The following ADAMTS2 variants were observed in gnomAD, a reference collection of about 807,000 sequenced individuals.
ADAMTS2 encodes the protein A disintegrin and metalloproteinase with thrombospondin motifs 2.
ADAMTS2 carries 50 observed loss-of-function variants against 123.0 expected under a neutral mutation model. The ratio of observed to expected loss-of-function variants is 0.41; its 90% CI spans 0.32 to 0.51. The LOEUF (loss-of-function observed/expected upper bound fraction) is 0.51, where lower values mean the gene tolerates loss of function less well. Ranked by LOEUF, ADAMTS2 falls within the 20% of genes least tolerant of loss-of-function variation. ADAMTS2 has a pLI of 0.35. For missense variants in ADAMTS2, 1,494 were observed against 1,705.2 expected (o/e 0.88, Z 2.18); for synonymous variants, 678 against 695.4 (o/e 0.98, Z 0.39).
intron 8 of ADAMTS2, among the ~76,000 whole-genome samples, 154 bp from the exon 9 acceptor site, chr5:179,153,777 CTT>C (rs1721614774): frequency 1.3e-5 from 2 of 152,206 alleles, no homozygotes; most frequent in Admixed American, 1.3e-4. Context: ...TGCTGCATCT[CTT>C]GTCCTTGGTG....
At position 179,125,072 on chromosome 5, in the gene ADAMTS2, G is replaced by A. The variant is rs1273919427; in HGVS notation, c.2859C>T (p.Ser953=). 6.8e-6 allele frequency: 11 copies of A among 1,611,048 alleles called. No homozygotes were observed. The highest frequency in any genetic ancestry group is 5.1e-5 in the Admixed American group (3 of 59,354). The part of the protein sequence containing the change: ...IQPLHDNTTR[S]VHAKHCNDAR... ...CGTCATTGCAGTGCTTGGCGTGCAC[G>A]GAGCGGGTGGTGTTGTCGTGTAGCG... The change falls in exon 19 of 22, where the codon TCC becomes TCT. Residue 953 remains serine (S), a synonymous_variant. Coordinates refer to ENST00000251582, the MANE Select transcript of ADAMTS2 (RefSeq NM_014244.5).
intron 2 of ADAMTS2, among the ~76,000 whole-genome samples, chr5:179,338,505 A>G (rs141872172): frequency 0.028 from 4,250 of 152,228 alleles, 89 homozygotes; most frequent in South Asian, 0.045. Flanking sequence ...GTAAGGCAGC[A>G]GGGGAGGGAG....
intron 2 of ADAMTS2, among the ~76,000 whole-genome samples, chr5:179,296,824 C>T (rs1008357849): frequency 1.3e-5 from 2 of 152,064 alleles, no homozygotes; most frequent in Non-Finnish European, 2.9e-5. Flanking sequence ...AAAGGACGGG[C>T]CACTGGTATC....
intron 3 of ADAMTS2, among the ~76,000 whole-genome samples, chr5:179,255,303 A>G (rs1766020976): frequency 6.6e-6 from 1 of 152,240 alleles, no homozygotes; most frequent in African/African-American, 2.4e-5. Context: ...CTTCACATCC[A>G]TGGCAAGTGA....
In ADAMTS2 at chr5:179,294,128, T is replaced by G. The variant is rs6894857; in HGVS notation, c.535-21064A>C. ...AAAATTAGCTGGGTGTGGTGGTGCA[T>G]GCCTGTGGTCCCAGCTACTTGGGAG... is the stretch of plus-strand genomic sequence containing the variant. On this transcript the variant is annotated intron_variant, in intron 2 of 21. Coordinates refer to ENST00000251582, the MANE Select transcript of ADAMTS2 (RefSeq NM_014244.5). Among the ~76,000 whole-genome samples the G allele has an allele frequency of 6.8e-3, 1,035 of 152,082 alleles. 9 individuals carry two copies. The highest frequency in any genetic ancestry group is 0.024 in the African/African-American group (993 of 41,486).
At chr5:179,154,743 A>T in intron 7 of ADAMTS2, 71 bp downstream of exon 7, 5 of 1,274,992 alleles carry the variant, frequency 3.9e-6, no homozygotes, top group Non-Finnish European at 5.6e-6. Context: ...GGCACAGAGG[A>T]GAAGTGGGCA....
intron 2 of ADAMTS2, among the ~76,000 whole-genome samples, chr5:179,342,954 G>A (rs912270366): frequency 6.6e-6 from 1 of 152,186 alleles, no homozygotes; most frequent in African/African-American, 2.4e-5. Flanking sequence ...GTCTCAAAAG[G>A]GATCCCCTAG....
intron 2 of ADAMTS2, among the ~76,000 whole-genome samples, chr5:179,339,352 G>C (rs555379726): frequency 8.5e-5 from 13 of 152,322 alleles, no homozygotes; most frequent in Admixed American, 2.6e-4. Flanking sequence ...GGGGGTTGAG[G>C]GGTGGAGAGC....
chr5:179,324,824 A>C (rs1338881329), intron 2 of ADAMTS2, among the ~76,000 whole-genome samples: 1 of 152,206 alleles, frequency 6.6e-6, no homozygotes, highest in Non-Finnish European at 1.5e-5. Flanking sequence ...TGTGCTAACT[A>C]CCAGGACAGA....
intron 3 of ADAMTS2, among the ~76,000 whole-genome samples, chr5:179,263,673 C>T (rs1581229613): frequency 6.6e-6 from 1 of 152,380 alleles, no homozygotes; most frequent in East Asian, 1.9e-4. Flanking sequence ...AAGTCAAGAG[C>T]TCTGAGAGAC....
At chr5:179,207,490 G>GGC in intron 4 of ADAMTS2, 23 bp downstream of exon 4, 1 of 546,850 alleles carries the variant, frequency 1.8e-6, no homozygotes, top group Non-Finnish European at 3.0e-6. Context: ...GCCCCACCCT[G>GGC]CCCCCTCAGC....
At chr5:179,183,784 GC>G (rs1022974785) in intron 4 of ADAMTS2, among the ~76,000 whole-genome samples, 3 of 152,206 alleles carry the variant, frequency 2.0e-5, no homozygotes, top group African/African-American at 7.2e-5. Flanking sequence ...CATCCCTACT[GC>G]CCCCCACCAG....
At chr5:179,201,240 CA>C (rs1239629888) in intron 4 of ADAMTS2, among the ~76,000 whole-genome samples, 14 of 152,172 alleles carry the variant, frequency 9.2e-5, no homozygotes, top group Non-Finnish European at 1.5e-4. Context: ...TTCAGCAACT[CA>C]GCTTAAGGAA....
At chr5:179,166,311 C>T (rs561707583) in intron 5 of ADAMTS2, among the ~76,000 whole-genome samples, 7 of 152,290 alleles carry the variant, frequency 4.6e-5, no homozygotes, top group Middle Eastern at 6.8e-3. Context: ...TCCCCTGGCC[C>T]GGGCTGGAAA....
chr5:179,225,116 C>A lies in ADAMTS2; in HGVS notation c.689-17401G>T, dbSNP rs1242890873. On this transcript the variant is annotated intron_variant, in intron 3 of 21. Transcript: ENST00000251582. This position sits in a 1 kb window ranked among gnomAD's most constrained non-coding sequence, Gnocchi z 4.5. ...CTCACGCAGGGGCCTGAGGAACACT[C>A]CCTGGTTATCCACACGGCAACTAAC... Among the ~76,000 whole-genome samples, 1 of 152,202 alleles carries A rather than the reference C, an allele frequency of 6.6e-6. No homozygotes were observed. The highest frequency in any genetic ancestry group is 1.9e-4 in the East Asian group (1 of 5,198).
intron 19 of ADAMTS2, 123 bp from the exon 20 acceptor site, chr5:179,122,896 G>A (rs938419349): frequency 2.1e-6 from 3 of 1,447,766 alleles, no homozygotes; most frequent in Non-Finnish European, 1.9e-6. Context: ...GTGGGACAGT[G>A]GGGAGAGTGG....
intron 2 of ADAMTS2, among the ~76,000 whole-genome samples, chr5:179,290,718 G>A (rs191684081): frequency 6.6e-5 from 10 of 152,262 alleles, no homozygotes; most frequent in Admixed American, 1.3e-4. Flanking sequence ...CTCTCTGGCC[G>A]GTCCATTCTT....
At chr5:179,136,664 T>A (rs1581146305) in intron 12 of ADAMTS2, among the ~76,000 whole-genome samples, 1 of 113,708 alleles carries the variant, frequency 8.8e-6, no homozygotes, top group African/African-American at 3.5e-5. Flanking sequence ...GGAGCAAGAC[T>A]CCATCTCAAA....
At chr5:179,194,323 C>G (rs927406007) in intron 4 of ADAMTS2, among the ~76,000 whole-genome samples, 6 of 152,224 alleles carry the variant, frequency 3.9e-5, no homozygotes, top group African/African-American at 1.4e-4. Flanking sequence ...CCCAGCCCTG[C>G]TGGAACATGT....
Sources: allele counts gnomAD v4.1 joint callset (sites outside exome capture counted in the v4.1 genomes callset), GRCh38; gene constraint gnomAD v4.1.1; non-coding constraint Gnocchi (gnomAD v3.1); transcripts MANE v1.5; gene names NCBI Gene and HGNC (gene_info 2026-07-23, HGNC 2026-07-21).